The following PTAFR variants were observed in gnomAD, a reference collection of about 807,000 sequenced individuals.
PTAFR encodes the protein platelet-activating factor receptor.
Under a neutral mutation model 14.7 loss-of-function variants are expected in PTAFR, and 8 were observed. The observed-to-expected ratio is 0.54, with a 90% CI of 0.32 to 0.98. The LOEUF (loss-of-function observed/expected upper bound fraction) is 0.98, where lower values mean the gene tolerates loss of function less well. Ranked by LOEUF, PTAFR falls within the 50% of genes least tolerant of loss-of-function variation. The probability of loss-of-function intolerance (pLI) is 0.04; values close to 1 mark genes in which losing one functional copy is unlikely to be tolerated. For synonymous variants in PTAFR, 156 were observed against 176.5 expected, an observed-to-expected ratio of 0.88 and a Z score of 0.92; for missense variants, 337 against 451.2, an observed-to-expected ratio of 0.75 and a Z score of 2.29.
chr1:28,175,831 T>C (rs1330762400), intron 1 of PTAFR, among the ~76,000 whole-genome samples: 1 of 152,162 alleles, frequency 6.6e-6, no homozygotes, highest in Non-Finnish European at 1.5e-5. Context: ...TTATCATTAT[T>C]TGACAATTTA....
intron 1 of PTAFR, among the ~76,000 whole-genome samples, chr1:28,176,134 C>A (rs984068391): frequency 1.3e-5 from 2 of 152,008 alleles, no homozygotes; most frequent in African/African-American, 4.8e-5. Context: ...GAGAAAGGTG[C>A]CAGAAAAATC....
intron 1 of PTAFR, among the ~76,000 whole-genome samples, chr1:28,156,328 G>A (rs1646263567): frequency 6.6e-6 from 1 of 151,164 alleles, no homozygotes; most frequent in Non-Finnish European, 1.5e-5. Flanking sequence ...CCCTTTATAA[G>A]TATGTATCTG....
chr1:28,180,840 A>G (rs184696400), upstream of PTAFR, among the ~76,000 whole-genome samples: 11 of 152,272 alleles, frequency 7.2e-5, no homozygotes, highest in Non-Finnish European at 1.5e-4. Context: ...GAGAGAAAGT[A>G]AAGAAAAAGA....
chr1:28,154,561 T>C (rs1557685908), intron 1 of PTAFR, among the ~76,000 whole-genome samples: 2 of 152,010 alleles, frequency 1.3e-5, no homozygotes, highest in Admixed American at 6.6e-5. Flanking sequence ...CCTGTAATCC[T>C]AGCACTTTGG....
intron 1 of PTAFR, among the ~76,000 whole-genome samples, chr1:28,173,572 G>T (rs1311427919): frequency 1.3e-5 from 2 of 151,432 alleles, no homozygotes; most frequent in Admixed American, 6.6e-5. Flanking sequence ...GACTGCTTGA[G>T]CCCAGGAGAT....
intron 1 of PTAFR, among the ~76,000 whole-genome samples, chr1:28,188,565 C>T (rs1258057449): frequency 6.6e-6 from 1 of 152,054 alleles, no homozygotes; most frequent in East Asian, 1.9e-4. Context: ...GTGGTGAAAC[C>T]CCGTCTCTAC....
At chr1:28,190,833 T>C (rs942058801) in intron 1 of PTAFR, among the ~76,000 whole-genome samples, 1 of 152,110 alleles carries the variant, frequency 6.6e-6, no homozygotes, top group African/African-American at 2.4e-5. Flanking sequence ...TCTCTCTCCC[T>C]CTCTCTCACA....
intron 1 of PTAFR, among the ~76,000 whole-genome samples, chr1:28,154,179 C>T (rs78590964): frequency 0.033 from 4,942 of 151,896 alleles, 257 homozygotes; most frequent in African/African-American, 0.11. Context: ...GGTGCTTCCA[C>T]GTGTACTACC....
chr1:28,167,720 A>G (rs1483326093), intron 1 of PTAFR, among the ~76,000 whole-genome samples: 2 of 123,816 alleles, frequency 1.6e-5, no homozygotes, highest in African/African-American at 6.4e-5. Context: ...ATCTTGGTTC[A>G]CTGCAACCTC....
chr1:28,184,097 T>G (rs868315814), intron 1 of PTAFR, among the ~76,000 whole-genome samples: 24,672 of 127,536 alleles, frequency 0.19, 2,478 homozygotes, highest in Non-Finnish European at 0.24. Flanking sequence ...TTTTTTTTTT[T>G]TTTTTTTTTT....
chr1:28,159,933 G>T (rs1482667191), intron 1 of PTAFR, among the ~76,000 whole-genome samples: 1 of 152,090 alleles, frequency 6.6e-6, no homozygotes, highest in Non-Finnish European at 1.5e-5. Context: ...CAGACAATTG[G>T]GCTGGCTGTG....
chr1:28,150,560 G>A lies in PTAFR; in HGVS notation c.462C>T (p.Ile154=). The change falls in exon 2 of 2, where the codon ATC becomes ATT. Residue 154 remains isoleucine (I), a synonymous_variant. Transcript: ENST00000373857. The surrounding 1 kb of genome is among the most constrained non-coding windows in gnomAD (Gnocchi z 6.3). Reference sequence around the variant, plus strand: ...CGGGCACTGTGTTGGTGGAGTCCAGGATGAGGAAGTAGGATGCAGCTCCCA... The same window carrying A: ...CGGGCACTGTGTTGGTGGAGTCCAGAATGAGGAAGTAGGATGCAGCTCCCA... The part of the protein sequence containing the change: ...AIVGAASYFL[I]LDSTNTVPDS... The A allele has an allele frequency of 6.2e-7, 1 of 1,614,216 alleles. No individual in the cohort carries two copies.
chr1:28,189,029 T>C (rs1646629318), intron 1 of PTAFR, among the ~76,000 whole-genome samples: 1 of 152,176 alleles, frequency 6.6e-6, no homozygotes, highest in Non-Finnish European at 1.5e-5. Flanking sequence ...CTGGAGAGGA[T>C]ACAGAGCGAT....
Position 28,148,060 on chromosome 1 carries a change from C to A in PTAFR, c.*1933G>T, listed in dbSNP as rs1646135901. The A allele has an allele frequency of 6.6e-6, 1 of 152,226 alleles. No homozygotes were observed. 9.4% of individuals were successfully genotyped at this position (152,226 alleles called of 1,614,324 possible). A position where few individuals can be genotyped will look rare whatever the true frequency, so the allele number is the denominator to read the frequency against. Reference sequence around the variant, plus strand: ...TGCCCGGTACACAGGAAATGAGTATCCCAGCTTCACAGGGACACTGACTGG... The same window carrying A: ...TGCCCGGTACACAGGAAATGAGTATACCAGCTTCACAGGGACACTGACTGG... On this transcript the variant is annotated 3_prime_UTR_variant, in exon 2 of 2. Transcript: ENST00000373857.
In PTAFR at chr1:28,167,649, T is replaced by TA. The variant is rs1306750296; in HGVS notation, c.-39+8942_-39+8943insT. On this transcript the variant is annotated intron_variant, in intron 1 of 1. Coordinates refer to ENST00000373857, the MANE Select transcript of PTAFR (RefSeq NM_000952.5). ...GAAAACGGGATTTTTTTTTTTTTTT[T>TA]TTTTTTTTTTTTTTGAGATGGAGCC... is the stretch of plus-strand genomic sequence containing the variant. Among the ~76,000 whole-genome samples the TA allele has an allele frequency of 1.3e-3, 185 of 137,678 alleles. 1 individual carries two copies. Among genetic ancestry groups the TA allele is most frequent in the African/African-American group, 5.0e-3 (178 of 35,880 alleles). The allele number at this position is 137,678 out of a possible 152,430, so 90.3% of individuals were successfully genotyped here.
Position 28,148,904 on chromosome 1 carries a change from G to A in PTAFR, c.*1089C>T, listed in dbSNP as rs1233343194. On this transcript the variant is annotated 3_prime_UTR_variant, in exon 2 of 2. Transcript: ENST00000373857. The stretch of plus-strand genomic sequence containing the variant: ...GCCCAGCCCCAATTTTGCTTTCAAG[G>A]GGCCTTTGCCCACCCTCAGTGGGTG... 1 of 152,238 alleles carries A rather than the reference G, an allele frequency of 6.6e-6. No individual in the cohort carries two copies. Among genetic ancestry groups the A allele is most frequent in the Non-Finnish European group, 1.5e-5 (1 of 68,082 alleles). 9.4% of individuals were successfully genotyped at this position (152,238 alleles called of 1,614,324 possible).
intron 1 of PTAFR, among the ~76,000 whole-genome samples, chr1:28,163,562 CT>C (rs1444214720): frequency 1.3e-5 from 2 of 152,206 alleles, no homozygotes; most frequent in Non-Finnish European, 2.9e-5. Context: ...TTACCATTTA[CT>C]TGCTGTATGA....
chr1:28,182,415 C>T (rs1471705014), intron 1 of PTAFR, among the ~76,000 whole-genome samples: 1 of 151,458 alleles, frequency 6.6e-6, no homozygotes, highest in African/African-American at 2.4e-5. Context: ...GTGGCTTATA[C>T]CTATAATCCC....
intron 1 of PTAFR, among the ~76,000 whole-genome samples, chr1:28,161,218 T>C (rs202137406): frequency 6.6e-5 from 10 of 152,296 alleles, no homozygotes; most frequent in Non-Finnish European, 1.2e-4. Flanking sequence ...CCGTAGCTCA[T>C]AGCTCTTTAT....
Sources: gnomAD v4.1 joint callset for allele counts (sites outside exome capture counted in the v4.1 genomes callset) on GRCh38, gnomAD v4.1.1 for gene constraint, Gnocchi (gnomAD v3.1) non-coding constraint, MANE v1.5 for transcripts, NCBI Gene and HGNC (gene_info 2026-07-23, HGNC 2026-07-21) for gene names.